FAM3B: variants seen among roughly 807,000 people sequenced by gnomAD.
FAM3B encodes the protein FAM3 metabolism regulating signaling molecule B.
In FAM3B, 29 loss-of-function variants were observed where a neutral mutation model predicts 28.4. The observed-to-expected ratio is 1.02, with a 90% CI of 0.76 to 1.39. FAM3B has a LOEUF of 1.39. Ranked by LOEUF, FAM3B falls within the 40% of genes most tolerant of loss-of-function variation. The pLI is 0.00. For synonymous variants in FAM3B, 91 were observed against 103.0 expected (o/e 0.88, Z 0.71); for missense variants, 266 against 293.9 (o/e 0.91, Z 0.69).
intron 7 of FAM3B, among the ~76,000 whole-genome samples, chr21:41,353,085 A>C (rs1174620846): frequency 1.3e-5 from 2 of 152,178 alleles, no homozygotes; most frequent in Non-Finnish European, 2.9e-5. Context: ...AAAAAGAATA[A>C]AATTCCTAGG....
rs548132873 is a variant in FAM3B, at chr21:41,343,381, C to T, written c.288-1095C>T. On this transcript the variant is annotated intron_variant, in intron 3 of 7. Coordinates refer to ENST00000357985, the MANE Select transcript of FAM3B (RefSeq NM_058186.4). ...TATACAACCAGATCTTTAACAACAA[C>T]AGCAACAACAAAACTTGCCTCATGT... 4.6e-5 allele frequency among the ~76,000 whole-genome samples: 7 copies of T among 152,294 alleles called. No homozygotes were observed. The South Asian group carries it at 1.4e-3, about 32-fold the overall frequency.
At chr21:41,325,079 G>C (rs1272782199) in intron 2 of FAM3B, among the ~76,000 whole-genome samples, 2 of 152,186 alleles carry the variant, frequency 1.3e-5, no homozygotes, top group African/African-American at 4.8e-5. Flanking sequence ...TCCAGCCTGA[G>C]TGGCAGAGAC....
chr21:41,357,283 C>A lies in FAM3B; in HGVS notation c.*86C>A. The A allele has an allele frequency of 2.2e-6, 2 of 895,288 alleles. No individual in the cohort carries two copies. Among genetic ancestry groups the A allele is most frequent in the Non-Finnish European group, 3.4e-6 (2 of 587,798 alleles). 55.5% of individuals were successfully genotyped at this position (895,288 alleles called of 1,614,324 possible). ...AATCTTATTTTTCTAAATCCAACAG[C>A]CCATATTTGATGAGTATTTTGGGTT... On this transcript the variant is annotated 3_prime_UTR_variant, in exon 8 of 8. Coordinates refer to ENST00000357985, the MANE Select transcript of FAM3B (RefSeq NM_058186.4).
In FAM3B at chr21:41,346,996, C is replaced by T; in HGVS notation, c.398-17C>T. The T allele has an allele frequency of 3.7e-6, 6 of 1,613,108 alleles. No individual in the cohort carries two copies. The highest frequency in any genetic ancestry group is 5.1e-6 in the Non-Finnish European group (6 of 1,179,072). On this transcript the variant is annotated splice_polypyrimidine_tract_variant and intron_variant, in intron 5 of 7. Coordinates refer to ENST00000357985, the MANE Select transcript of FAM3B (RefSeq NM_058186.4). ...TGAACAGCAAAGACCCTAAAACTGACTTGCATCCCCCAATAGATAACTCTG... is the reference window on the plus strand; with the variant it reads ...TGAACAGCAAAGACCCTAAAACTGATTTGCATCCCCCAATAGATAACTCTG...
At chr21:41,345,234 C>T (rs58958361) in intron 4 of FAM3B, among the ~76,000 whole-genome samples, 15,612 of 107,720 alleles carry the variant, frequency 0.14, 2,311 homozygotes, top group African/African-American at 0.4. Context: ...TGGGAAGAGG[C>T]GGGTGGGCCT....
At chr21:41,321,178 C>A (rs977937964) in intron 1 of FAM3B, among the ~76,000 whole-genome samples, 1 of 152,202 alleles carries the variant, frequency 6.6e-6, no homozygotes, top group African/African-American at 2.4e-5. Context: ...TTCCTTTGAA[C>A]GTGTTCTGCT....
intron 5 of FAM3B, 117 bp downstream of exon 5, chr21:41,345,853 C>T: frequency 1.4e-6 from 1 of 695,366 alleles, no homozygotes; most frequent in South Asian, 1.6e-5. Context: ...ACGCCAGCAG[C>T]TCTCCTGAGT....
chr21:41,345,287 G>A (rs2089046091), intron 4 of FAM3B, among the ~76,000 whole-genome samples: 1 of 146,418 alleles, frequency 6.8e-6, no homozygotes, highest in Admixed American at 6.7e-5. Context: ...AGGCGGGTGG[G>A]CCTGGCTGAG....
At chr21:41,315,836 T>C (rs1285220573), upstream of FAM3B, among the ~76,000 whole-genome samples, 1 of 152,176 alleles carries the variant, frequency 6.6e-6, no homozygotes, top group East Asian at 1.9e-4. Flanking sequence ...CCCACCAGGG[T>C]GACCCACAGG....
In FAM3B at chr21:41,323,018, A is replaced by G. The variant is rs1433734848; in HGVS notation, c.115A>G (p.Ser39Gly). 50 of 1,609,810 alleles carry G rather than the reference A, an allele frequency of 3.1e-5. No individual in the cohort carries two copies. Among genetic ancestry groups the G allele is most frequent in the Non-Finnish European group, 4.1e-5 (48 of 1,180,006 alleles). ...GCTCATTCCAGATGCACCCCTGTCC[A>G]GTGCTGCCTATAGCATCCGCAGCAT... Reference protein sequence around the residue: ...AELIPDAPLSSAAYSIRSIGE... With the variant: ...AELIPDAPLSGAAYSIRSIGE... The change falls in exon 2 of 8, where the codon AGT (serine) becomes GGT (glycine). Residue 39 changes from serine (S) to glycine (G), a missense_variant. Physicochemically the swap from Ser to Gly is moderately conservative, Grantham distance 56. Transcript: ENST00000357985.
intron 5 of FAM3B, chr21:41,346,014 C>T (rs1390520564): frequency 1.3e-5 from 3 of 224,390 alleles, no homozygotes; most frequent in Admixed American, 6.3e-5. Flanking sequence ...GAGAAAAAGC[C>T]TTTTTTTTAA....
chr21:41,340,946 A>G (rs955053637), intron 3 of FAM3B, among the ~76,000 whole-genome samples: 3 of 152,228 alleles, frequency 2.0e-5, no homozygotes, highest in African/African-American at 7.2e-5. Context: ...ATACCTATGT[A>G]TATTTTTATA....
chr21:41,355,995 T>C (rs952774180), intron 7 of FAM3B, among the ~76,000 whole-genome samples: 10 of 151,616 alleles, frequency 6.6e-5, no homozygotes, highest in Non-Finnish European at 1.2e-4. Flanking sequence ...TGAATACATA[T>C]TTGCTGAGGA....
intron 1 of FAM3B, chr21:41,319,918 G>C (rs2088785885): frequency 6.6e-6 from 1 of 152,170 alleles, no homozygotes; most frequent in African/African-American, 2.4e-5. Context: ...AGCTATTTCA[G>C]ATATAGTGAG....
intron 1 of FAM3B, 45 bp from the exon 2 acceptor site, chr21:41,322,878 C>T (rs753083475): frequency 9.3e-6 from 15 of 1,614,052 alleles, no homozygotes; most frequent in East Asian, 2.2e-5. Flanking sequence ...GGGCCAGGGC[C>T]GCCACCAAGT....
intron 7 of FAM3B, among the ~76,000 whole-genome samples, chr21:41,353,767 T>C (rs779474612): frequency 3.9e-5 from 6 of 152,206 alleles, no homozygotes; most frequent in Admixed American, 2.6e-4. Context: ...TTCTTAGATA[T>C]GACACCACTA....
chr21:41,337,864 G>A (rs2088969621), intron 2 of FAM3B, among the ~76,000 whole-genome samples: 1 of 151,818 alleles, frequency 6.6e-6, no homozygotes, highest in Admixed American at 6.6e-5. Flanking sequence ...TGGTGTGGGT[G>A]TCAGTGTGTT....
At chr21:41,327,902 T>C (rs2088867947) in intron 2 of FAM3B, among the ~76,000 whole-genome samples, 1 of 152,174 alleles carries the variant, frequency 6.6e-6, no homozygotes, top group Non-Finnish European at 1.5e-5. Flanking sequence ...CCTCTGTGAG[T>C]AAGTGCACCA....
At chr21:41,320,661 T>C (rs1601350164) in intron 1 of FAM3B, 1 of 152,146 alleles carries the variant, frequency 6.6e-6, no homozygotes, top group Non-Finnish European at 1.5e-5. Context: ...ACCCAGGAGG[T>C]GGTTCAGACT....
Sources: allele counts gnomAD v4.1 joint callset (sites outside exome capture counted in the v4.1 genomes callset), GRCh38; gene constraint gnomAD v4.1.1; transcripts MANE v1.5; gene names NCBI Gene and HGNC (gene_info 2026-07-23, HGNC 2026-07-21).